LRFN5: variants seen among roughly 807,000 people sequenced by gnomAD.
LRFN5 encodes the protein leucine rich repeat and fibronectin type III domain containing 5.
LRFN5 carries 24 observed loss-of-function variants against 45.6 expected under a neutral mutation model. The observed-to-expected ratio is 0.53, with a 90% CI of 0.38 to 0.74. LRFN5 has a LOEUF of 0.74. LRFN5 is among the 30% of genes least tolerant of loss of function. The pLI, the probability that LRFN5 is intolerant of heterozygous loss-of-function variation, is 0.00. For synonymous variants in LRFN5, 340 were observed against 313.8 expected (o/e 1.08, Z -0.88); for missense variants, 776 against 861.5 (o/e 0.90, Z 1.24).
intron 1 of LRFN5, among the ~76,000 whole-genome samples, chr14:41,756,315 C>G (rs1885379180): frequency 6.6e-6 from 1 of 152,136 alleles, no homozygotes; most frequent in African/African-American, 2.4e-5. Flanking sequence ...GTTGGTCTGC[C>G]TCGCTAGATT....
intron 2 of LRFN5, among the ~76,000 whole-genome samples, chr14:41,825,397 C>A (rs1048780949): frequency 6.6e-6 from 1 of 152,220 alleles, no homozygotes; most frequent in Non-Finnish European, 1.5e-5. Flanking sequence ...GCTCATGTCT[C>A]TGCTGGAAGG....
chr14:41,651,528 T>C (rs1880125194), intron 1 of LRFN5, among the ~76,000 whole-genome samples: 1 of 152,196 alleles, frequency 6.6e-6, no homozygotes, highest in African/African-American at 2.4e-5. Context: ...GGTAATTCTT[T>C]ACATGATTCT....
chr14:41,808,308 G>A (rs1383976601), intron 2 of LRFN5, among the ~76,000 whole-genome samples: 10 of 133,200 alleles, frequency 7.5e-5, no homozygotes, highest in Non-Finnish European at 1.1e-4. Context: ...ATTGTGGCCA[G>A]ACAAGGAAGG....
At chr14:41,843,710 C>T (rs928009728) in intron 2 of LRFN5, among the ~76,000 whole-genome samples, 2 of 152,054 alleles carry the variant, frequency 1.3e-5, no homozygotes, top group Admixed American at 1.3e-4. Flanking sequence ...ACTTTCTTGC[C>T]TACGTATACA....
intron 2 of LRFN5, among the ~76,000 whole-genome samples, chr14:41,779,249 A>G (rs1171243483): frequency 2.0e-5 from 3 of 151,846 alleles, no homozygotes; most frequent in Non-Finnish European, 4.4e-5. Flanking sequence ...ATCAGTTGAT[A>G]TGACTTTTTT....
chr14:41,670,188 A>G (rs1248112401), intron 1 of LRFN5, among the ~76,000 whole-genome samples: 1 of 124,854 alleles, frequency 8.0e-6, no homozygotes, highest in African/African-American at 3.1e-5. Flanking sequence ...CATTCTCTAT[A>G]TATATATACA....
rs573621110 is a variant in LRFN5 at position 41,867,313 on chromosome 14, T to C, written c.-20-19293T>C. Among the ~76,000 whole-genome samples the C allele has an allele frequency of 4.6e-5, 7 of 152,222 alleles. No individual in the cohort carries two copies. In the East Asian group the frequency reaches 1.4e-3, roughly 29 times the overall value. On this transcript the variant is annotated intron_variant, in intron 2 of 5. Coordinates refer to ENST00000298119, the MANE Select transcript of LRFN5 (RefSeq NM_152447.5). ...TTATAATACCTACATAAGAGTGTCA[T>C]GTTAAATGTTAGTTGGTGTATTATA... is the stretch of plus-strand genomic sequence containing the variant.
At chr14:41,808,426 AG>A (rs1887610475) in intron 2 of LRFN5, among the ~76,000 whole-genome samples, 1 of 116,512 alleles carries the variant, frequency 8.6e-6, no homozygotes, top group African/African-American at 3.3e-5. Flanking sequence ...GAAGGAAGGA[AG>A]GAAGAATCGA....
chr14:41,759,075 A>G (rs571401990), intron 1 of LRFN5, among the ~76,000 whole-genome samples: 5 of 152,128 alleles, frequency 3.3e-5, no homozygotes, highest in Admixed American at 6.5e-5. Flanking sequence ...GACACGTGGT[A>G]CATCACATGA....
intron 1 of LRFN5, among the ~76,000 whole-genome samples, chr14:41,673,025 GTTATTTAT>G (rs200316442): frequency 5.1e-4 from 78 of 151,572 alleles, no homozygotes; most frequent in African/African-American, 1.4e-3. Flanking sequence ...TTATGATTTT[GTTATTTAT>G]TTATTTATTT....
At chr14:41,817,956 A>G (rs74045452) in intron 2 of LRFN5, among the ~76,000 whole-genome samples, 2,165 of 152,246 alleles carry the variant, frequency 0.014, 50 homozygotes, top group African/African-American at 0.05. Context: ...GCATCCCATC[A>G]TGAAACCAGA....
chr14:41,667,955 A>G (rs1033164760), intron 1 of LRFN5, among the ~76,000 whole-genome samples: 1 of 152,148 alleles, frequency 6.6e-6, no homozygotes, highest in African/African-American at 2.4e-5. Context: ...AAACCTGGTG[A>G]TGAAGTTACT....
chr14:41,877,848 T>C (rs1890240348), intron 2 of LRFN5, among the ~76,000 whole-genome samples: 1 of 152,286 alleles, frequency 6.6e-6, no homozygotes, highest in South Asian at 2.1e-4. Context: ...TATGTTGCAG[T>C]TGCTAAACAC....
chr14:41,747,353 T>G (rs999444448), intron 1 of LRFN5, among the ~76,000 whole-genome samples: 1 of 151,938 alleles, frequency 6.6e-6, no homozygotes, highest in Non-Finnish European at 1.5e-5. Context: ...ACCTATGAAA[T>G]GGAATACGGC....
intron 1 of LRFN5, among the ~76,000 whole-genome samples, chr14:41,624,559 C>G (rs1888258182): frequency 6.6e-6 from 1 of 152,078 alleles, no homozygotes; most frequent in African/African-American, 2.4e-5. Flanking sequence ...GAAAAGTGCT[C>G]TGAACACTCA....
intron 1 of LRFN5, among the ~76,000 whole-genome samples, chr14:41,684,149 A>G (rs1002778365): frequency 2.6e-5 from 4 of 152,128 alleles, no homozygotes; most frequent in African/African-American, 4.8e-5. Context: ...ACAGTGAACT[A>G]TTTTCGACCA....
chr14:41,891,936 C>A lies in LRFN5; in HGVS notation c.2072C>A (p.Thr691Lys), dbSNP rs369488450. The A allele has an allele frequency of 4.3e-6, 7 of 1,613,430 alleles. No homozygotes were observed. The highest frequency in any genetic ancestry group is 1.1e-5 in the South Asian group (1 of 90,988). The change falls in exon 4 of 6, where the codon ACG (threonine) becomes AAG (lysine). Residue 691 changes from threonine to lysine, a missense_variant. Thr to Lys is a moderately conservative substitution (Grantham distance 78). Transcript: ENST00000298119. The part of the protein sequence containing the change: ...RPPDSVTEGP[T>K]SKRAHIKPNA... ...CCCGATTCTGTCACAGAGGGGCCCA[C>A]GTCTAAAAGAGCACATATAAAGCCA...
At position 41,887,849 on chromosome 14, in the gene LRFN5, C is replaced by T; in HGVS notation, c.1224C>T (p.Ser408=). 1 of 1,613,994 alleles carries T rather than the reference C, an allele frequency of 6.2e-7. No individual in the cohort carries two copies. The highest frequency in any genetic ancestry group is 8.5e-7 in the Non-Finnish European group (1 of 1,179,996). Reference sequence around the variant, plus strand: ...CTACCAAGTCAGGTTCTAATACAAGCAGTAGTAATGGTGATACTAAATTGA... The same window carrying T: ...CTACCAAGTCAGGTTCTAATACAAGTAGTAGTAATGGTGATACTAAATTGA... The part of the protein sequence containing the change: ...STSTKSGSNT[S]SSNGDTKLSQ... The change falls in exon 3 of 6, where the codon AGC becomes AGT. Residue 408 remains serine, a synonymous_variant. Transcript: ENST00000298119. This position sits in a 1 kb window ranked among gnomAD's most constrained non-coding sequence, Gnocchi z 4.8.
At chr14:41,792,975 A>C (rs780140403) in intron 2 of LRFN5, among the ~76,000 whole-genome samples, 23 of 136,406 alleles carry the variant, frequency 1.7e-4, no homozygotes, top group Non-Finnish European at 3.1e-4. Flanking sequence ...AGGAAGGGGA[A>C]CATCACACTC....
Sources: allele counts gnomAD v4.1 joint callset (sites outside exome capture counted in the v4.1 genomes callset), GRCh38; gene constraint gnomAD v4.1.1; non-coding constraint Gnocchi (gnomAD v3.1); transcripts MANE v1.5; gene names NCBI Gene and HGNC (gene_info 2026-07-23, HGNC 2026-07-21).